Variants in PLEKHG5 observed in about 807,000 individuals in gnomAD.
PLEKHG5 encodes the protein pleckstrin homology domain-containing family G member 5.
Under a neutral mutation model 103.8 loss-of-function variants are expected in PLEKHG5, and 52 were observed. The observed-to-expected ratio is 0.50, with a 90% CI of 0.40 to 0.63. PLEKHG5 has a LOEUF of 0.63. PLEKHG5 is among the 30% of genes least tolerant of loss of function. The pLI is 0.00. For missense variants in PLEKHG5, 1,205 were observed against 1,347.6 expected (o/e 0.89, Z 1.66); for synonymous variants, 592 against 575.5 (o/e 1.03, Z -0.41).
At chr1:6,502,724 AC>A (rs1178616113) in intron 1 of PLEKHG5, among the ~76,000 whole-genome samples, 2 of 151,988 alleles carry the variant, frequency 1.3e-5, no homozygotes, top group Non-Finnish European at 2.9e-5. Context: ...CGCCAGTCCC[AC>A]CCCCATCACA....
rs367822392 is a variant in PLEKHG5 at position 6,475,404 on chromosome 1, C to T, written c.210+58G>A. On this transcript the variant is annotated intron_variant, in intron 4 of 20. Coordinates refer to ENST00000377728, the MANE Select transcript of PLEKHG5 (RefSeq NM_020631.6). ...CCCATCCCGGAGGAAGGCCCAGGCT[C>T]GGGGAAGGGCGCAGGCTGTAGGGAA... The T allele has an allele frequency of 1.1e-4, 168 of 1,474,516 alleles. 1 individual carries two copies. The African/African-American group carries it at 2.0e-3, about 17-fold the overall frequency. The allele number at this position is 1,474,516 out of a possible 1,614,324, so 91.3% of individuals were successfully genotyped here. A position where few individuals can be genotyped will look rare whatever the true frequency, so the allele number is the denominator to read the frequency against.
chr1:6,493,356 C>G (rs560851235), upstream of PLEKHG5, among the ~76,000 whole-genome samples: 109 of 152,302 alleles, frequency 7.2e-4, 2 homozygotes, highest in African/African-American at 2.6e-3. Flanking sequence ...ATGCTCAGAG[C>G]TGGTCTGGTA....
In PLEKHG5 at chr1:6,502,953, G is replaced by T. The variant is rs139993995; in HGVS notation, c.-164-6384C>A. Among the ~76,000 whole-genome samples, 692 of 152,354 alleles carry T rather than the reference G, an allele frequency of 4.5e-3. 3 individuals are homozygous for T. The highest frequency in any genetic ancestry group is 0.016 in the African/African-American group (661 of 41,582). On this transcript the variant is annotated intron_variant, in intron 1 of 21. Coordinates refer to the PLEKHG5 transcript ENST00000377740. ...GGAGAGCTGGGGCAGGCACACACGGGTGAACAGGTCTCAGTTCTGGTGCTC... is the reference window on the plus strand; with the variant it reads ...GGAGAGCTGGGGCAGGCACACACGGTTGAACAGGTCTCAGTTCTGGTGCTC...
Position 6,471,597 on chromosome 1 carries a change from G to A in PLEKHG5, c.1172C>T (p.Ala391Val). The change falls in exon 12 of 21, where the codon GCG (alanine) becomes GTG (valine). Residue 391 changes from alanine (A) to valine (V), a missense_variant. Transcript: ENST00000377728. ...AGCCCACAGCCTGCGGTGCAGCTGC[G>A]CGATCTCCGGGATGTTGCTGAACAG... ...ERLFSNIPEIAQLHRRLWASV... is the reference protein window; with the variant it reads ...ERLFSNIPEIVQLHRRLWASV... 2 of 1,596,052 alleles carry A rather than the reference G, an allele frequency of 1.3e-6. No individual in the cohort carries two copies. Among genetic ancestry groups the A allele is most frequent in the Non-Finnish European group, 1.7e-6 (2 of 1,172,378 alleles).
At chr1:6,477,737 T>A in intron 1 of PLEKHG5, 79 bp from the exon 2 acceptor site, 1 of 1,484,948 alleles carries the variant, frequency 6.7e-7, no homozygotes, top group Non-Finnish European at 9.0e-7. Flanking sequence ...CTGCAGGGAC[T>A]TAGAATGAAC....
chr1:6,504,901 G>T (rs1031306837), intron 1 of PLEKHG5, among the ~76,000 whole-genome samples: 3 of 152,152 alleles, frequency 2.0e-5, no homozygotes, highest in Non-Finnish European at 2.9e-5. Flanking sequence ...TTCGCTGTAT[G>T]GTCTGCGGGC....
At chr1:6,517,425 G>A (rs756393500) in intron 1 of PLEKHG5, among the ~76,000 whole-genome samples, 7 of 152,058 alleles carry the variant, frequency 4.6e-5, no homozygotes, top group Non-Finnish European at 8.8e-5. Flanking sequence ...AACCCCCAGT[G>A]TCACCCACAC....
intron 5 of PLEKHG5, 134 bp downstream of exon 5, chr1:6,474,913 C>A: frequency 1.3e-6 from 1 of 775,402 alleles, no homozygotes; most frequent in Non-Finnish European, 2.4e-6. Flanking sequence ...CACGGGTCTG[C>A]CCACGCAGGG....
intron 3 of PLEKHG5, 45 bp from the exon 4 acceptor site, chr1:6,475,567 C>T (rs541884670): frequency 1.3e-6 from 2 of 1,563,434 alleles, no homozygotes; most frequent in East Asian, 2.2e-5. Flanking sequence ...GTGGGTGGCC[C>T]TCGCCAGCGT....
At chr1:6,495,752 A>G (rs148660849), upstream of PLEKHG5, among the ~76,000 whole-genome samples, 75 of 152,338 alleles carry the variant, frequency 4.9e-4, no homozygotes, top group African/African-American at 1.7e-3. Flanking sequence ...TCCATCTCTC[A>G]TGAGCTGTGG....
At chr1:6,498,734 G>A (rs924007808), upstream of PLEKHG5, among the ~76,000 whole-genome samples, 1 of 152,166 alleles carries the variant, frequency 6.6e-6, no homozygotes, top group Non-Finnish European at 1.5e-5. Flanking sequence ...CACAGCCTAC[G>A]GGAACTCTCA....
chr1:6,467,712 G>A (rs1644424632), intron 20 of PLEKHG5, 113 bp downstream of exon 20: 4 of 1,484,432 alleles, frequency 2.7e-6, no homozygotes, highest in Non-Finnish European at 3.8e-6. Flanking sequence ...ACACTGGGCA[G>A]GGTTCAGGCT....
At chr1:6,519,483 G>C (rs1213707441) in exon 1 of PLEKHG5, 2 of 1,613,858 alleles carry the variant, frequency 1.2e-6, no homozygotes, top group African/African-American at 2.7e-5. Flanking sequence ...TCGAGGTGGA[G>C]ACCCATGTTT....
chr1:6,510,330 C>T (rs1274991947), intron 1 of PLEKHG5, among the ~76,000 whole-genome samples: 3 of 151,916 alleles, frequency 2.0e-5, no homozygotes, highest in South Asian at 2.1e-4. Context: ...CAGTGGCTCA[C>T]GCCTGTAATC....
chr1:6,485,968 G>GCCCC, intron 1 of PLEKHG5: 1 of 911,498 alleles, frequency 1.1e-6, no homozygotes, highest in Non-Finnish European at 1.3e-6. Flanking sequence ...GGCAGGGGGC[G>GCCCC]CTGGTGACAC....
rs1379184184 is a variant in PLEKHG5 at position 6,519,528 on chromosome 1, G to T, written c.-248C>A. ...TGAATTCATGCTTGACCTCTGCGGTGGTGGCACCCTGCCTGGACCTCCAGC... is the reference window on the plus strand; with the variant it reads ...TGAATTCATGCTTGACCTCTGCGGTTGTGGCACCCTGCCTGGACCTCCAGC... On this transcript the variant is annotated 5_prime_UTR_variant, in exon 1 of 22. Transcript: ENST00000377740. 2.5e-6 allele frequency: 4 copies of T among 1,608,730 alleles called. No individual in the cohort carries two copies. The South Asian group carries it at 3.3e-5, about 13-fold the overall frequency.
intron 1 of PLEKHG5, among the ~76,000 whole-genome samples, chr1:6,511,977 C>T (rs886395702): frequency 6.6e-6 from 1 of 152,224 alleles, no homozygotes; most frequent in Non-Finnish European, 1.5e-5. Context: ...AGCCCCCTTT[C>T]CCTGGCTGTC....
intron 1 of PLEKHG5, chr1:6,519,439 A>G: frequency 6.2e-7 from 1 of 1,606,898 alleles, no homozygotes; most frequent in Non-Finnish European, 8.5e-7. Flanking sequence ...TAGAAAACAT[A>G]CTCACCGGTT....
At chr1:6,488,026 G>C (rs955999803) in intron 1 of PLEKHG5, among the ~76,000 whole-genome samples, 1 of 152,174 alleles carries the variant, frequency 6.6e-6, no homozygotes, top group Non-Finnish European at 1.5e-5. Context: ...CTGCCAGACC[G>C]AAGGTCTCTT....
Sources: allele counts gnomAD v4.1 joint callset (sites outside exome capture counted in the v4.1 genomes callset), GRCh38; gene constraint gnomAD v4.1.1; transcripts MANE v1.5; gene names NCBI Gene and HGNC (gene_info 2026-07-23, HGNC 2026-07-21).